Variants in NKAIN3 observed in about 807,000 individuals in gnomAD.
The protein encoded by NKAIN3 is sodium/potassium transporting ATPase interacting 3.
In NKAIN3, 25 loss-of-function variants were observed where a neutral mutation model predicts 30.2. That is an observed-to-expected ratio of 0.83 (90% CI 0.60 to 1.16). NKAIN3 has a LOEUF of 1.16. Ranked by LOEUF, NKAIN3 falls within the 50% of genes most tolerant of loss-of-function variation. The pLI is 0.00. For missense variants in NKAIN3, 225 were observed against 254.1 expected (o/e 0.89, Z 0.78); for synonymous variants, 91 against 89.6 (o/e 1.02, Z -0.09).
chr8:62,870,444 TTATATTG>T (rs1820591879), intron 4 of NKAIN3, among the ~76,000 whole-genome samples: 2 of 136,630 alleles, frequency 1.5e-5, no homozygotes, highest in Non-Finnish European at 3.0e-5. Context: ...TATATACATA[TTATATTG>T]TATATTGTAT....
At chr8:62,989,389 T>C (rs1486398083), downstream of NKAIN3, among the ~76,000 whole-genome samples, 1 of 152,200 alleles carries the variant, frequency 6.6e-6, no homozygotes, top group African/African-American at 2.4e-5. Context: ...GGAGACATCA[T>C]AATCATGGCA....
At chr8:62,325,945 C>T (rs900137950) in intron 1 of NKAIN3, among the ~76,000 whole-genome samples, 4 of 151,918 alleles carry the variant, frequency 2.6e-5, no homozygotes, top group African/African-American at 7.2e-5. Context: ...TTCTTTCCCA[C>T]TCTGTGGGTA....
At chr8:62,357,440 T>C (rs553987555) in intron 1 of NKAIN3, among the ~76,000 whole-genome samples, 1 of 152,212 alleles carries the variant, frequency 6.6e-6, no homozygotes, top group South Asian at 2.1e-4. Context: ...AAGCATTCCA[T>C]AATAGAAATA....
intron 3 of NKAIN3, among the ~76,000 whole-genome samples, chr8:62,681,120 C>A (rs16929390): frequency 0.012 from 1,815 of 152,294 alleles, 36 homozygotes; most frequent in East Asian, 0.048. Flanking sequence ...TTGATTAGAG[C>A]AACCATTCAA....
At chr8:62,724,403 T>A (rs1586131403) in intron 3 of NKAIN3, among the ~76,000 whole-genome samples, 1 of 152,066 alleles carries the variant, frequency 6.6e-6, no homozygotes, top group African/African-American at 2.4e-5. Context: ...TTATTCTGTA[T>A]TAGTTACTTT....
intron 4 of NKAIN3, among the ~76,000 whole-genome samples, chr8:62,912,806 G>T (rs912397684): frequency 6.6e-6 from 1 of 152,108 alleles, no homozygotes; most frequent in Non-Finnish European, 1.5e-5. Flanking sequence ...CGACTCGGGA[G>T]GCTGAGGCAG....
intron 4 of NKAIN3, among the ~76,000 whole-genome samples, chr8:62,916,974 G>A (rs539849493): frequency 5.3e-5 from 8 of 151,886 alleles, no homozygotes; most frequent in South Asian, 2.1e-4. Context: ...CCTGTTTCTC[G>A]GATGATCAGC....
intron 4 of NKAIN3, among the ~76,000 whole-genome samples, chr8:62,859,618 G>A (rs147165763): frequency 6.6e-6 from 1 of 150,926 alleles, no homozygotes; most frequent in East Asian, 1.9e-4. Flanking sequence ...GTGTGTGTGT[G>A]CATGCGTGTG....
chr8:62,675,031 A>T (rs1813429500), intron 3 of NKAIN3, among the ~76,000 whole-genome samples: 1 of 152,208 alleles, frequency 6.6e-6, no homozygotes, highest in Admixed American at 6.5e-5. Flanking sequence ...GGAACAGTGT[A>T]GTCTTTGCTC....
At chr8:62,889,297 G>C (rs1821232646) in intron 4 of NKAIN3, among the ~76,000 whole-genome samples, 1 of 152,062 alleles carries the variant, frequency 6.6e-6, no homozygotes, top group Admixed American at 6.6e-5. Flanking sequence ...TTGAACCTGG[G>C]AGGCGGAGGT....
chr8:62,576,034 A>G (rs929814394), intron 1 of NKAIN3, among the ~76,000 whole-genome samples: 1 of 151,972 alleles, frequency 6.6e-6, no homozygotes, highest in Admixed American at 6.6e-5. Flanking sequence ...CACTAGGGAA[A>G]CTCTCCAGGT....
intron 3 of NKAIN3, among the ~76,000 whole-genome samples, chr8:62,699,640 G>A (rs902004339): frequency 5.9e-5 from 9 of 152,152 alleles, no homozygotes; most frequent in Non-Finnish European, 8.8e-5. Context: ...ATTCATGCTT[G>A]TCCTATCCTT....
intron 1 of NKAIN3, among the ~76,000 whole-genome samples, chr8:62,558,312 C>T (rs1365288177): frequency 6.6e-6 from 1 of 152,090 alleles, no homozygotes; most frequent in African/African-American, 2.4e-5. Context: ...TGACTATGGC[C>T]TTATAGTATA....
chr8:62,667,065 C>A (rs770842482), intron 3 of NKAIN3, among the ~76,000 whole-genome samples: 1 of 145,906 alleles, frequency 6.9e-6, no homozygotes, highest in Non-Finnish European at 1.5e-5. Context: ...AGCAGCACAC[C>A]GCTTTTCATG....
chr8:62,598,437 T>A (rs7844749), intron 3 of NKAIN3, among the ~76,000 whole-genome samples: 118,525 of 151,892 alleles, frequency 0.78, 46,376 homozygotes, highest in Middle Eastern at 0.84. Flanking sequence ...GGTGGGGACA[T>A]AACTCCAATG....
rs1554580121 is a variant in NKAIN3 at position 62,807,556 on chromosome 8, G to GGT, written c.471+60427_471+60428insGT. On this transcript the variant is annotated intron_variant, in intron 4 of 6. Coordinates refer to ENST00000623646, the MANE Select transcript of NKAIN3 (RefSeq NM_001304533.3). ...ATCTTTCAATAGTTATTCTTTTCTGGTTTTTTTTTTTTTTTGAGACAATGT... is the reference window on the plus strand; with the variant it reads ...ATCTTTCAATAGTTATTCTTTTCTGGGTTTTTTTTTTTTTTTTGAGACAATGT... 4.2e-4 allele frequency among the ~76,000 whole-genome samples: 57 copies of GGT among 134,288 alleles called. 1 individual carries two copies. In the South Asian group the frequency reaches 9.8e-3, roughly 23 times the overall value. The allele number at this position is 134,288 out of a possible 152,430, so 88.1% of individuals were successfully genotyped here. A position where few individuals can be genotyped will look rare whatever the true frequency, so the allele number is the denominator to read the frequency against.
At chr8:62,416,419 G>A (rs999229180) in intron 1 of NKAIN3, among the ~76,000 whole-genome samples, 1 of 152,080 alleles carries the variant, frequency 6.6e-6, no homozygotes, top group Non-Finnish European at 1.5e-5. Flanking sequence ...GTCTCCTAAT[G>A]TGTCTCCTTT....
chr8:62,691,105 TCA>T (rs1325251489), intron 3 of NKAIN3, among the ~76,000 whole-genome samples: 6 of 152,182 alleles, frequency 3.9e-5, no homozygotes, highest in South Asian at 4.1e-4. Context: ...TTAGAGTTTT[TCA>T]CAGTTTCAAG....
chr8:62,966,272 T>C lies in NKAIN3; in HGVS notation c.*865T>C. 1.0e-6 allele frequency: 1 copy of C among 985,084 alleles called. No homozygotes were observed. The highest frequency in any genetic ancestry group is 1.2e-6 in the Non-Finnish European group (1 of 829,658). 61.0% of individuals were successfully genotyped at this position (985,084 alleles called of 1,614,324 possible). A position where few individuals can be genotyped will look rare whatever the true frequency, so the allele number is the denominator to read the frequency against. ...ATTCAAAAGAAGCCTGAAAATGCTG[T>C]AGCATTCTCTATAAATACTTCTAAA... On this transcript the variant is annotated 3_prime_UTR_variant, in exon 7 of 7. Coordinates refer to ENST00000623646, the MANE Select transcript of NKAIN3 (RefSeq NM_001304533.3).
Sources: allele counts gnomAD v4.1 joint callset (sites outside exome capture counted in the v4.1 genomes callset), GRCh38; gene constraint gnomAD v4.1.1; transcripts MANE v1.5; gene names NCBI Gene and HGNC (gene_info 2026-07-23, HGNC 2026-07-21).